Variants in STK32C observed in about 807,000 individuals in gnomAD.
STK32C encodes serine/threonine-protein kinase 32C.
Under a neutral mutation model 56.5 loss-of-function variants are expected in STK32C, and 31 were observed. That is an observed-to-expected ratio of 0.55 (90% confidence interval 0.41 to 0.74). STK32C has a LOEUF of 0.74. STK32C is among the 30% of genes least tolerant of loss of function. The pLI is 0.00. For missense variants in STK32C, 544 were observed against 676.9 expected (o/e 0.80, Z 2.18); for synonymous variants, 309 against 289.4 (o/e 1.07, Z -0.69).
At chr10:132,308,224 C>G (rs2066146367), upstream of STK32C, among the ~76,000 whole-genome samples, 1 of 152,086 alleles carries the variant, frequency 6.6e-6, no homozygotes, top group South Asian at 2.1e-4. Context: ...ACGGGGACCA[C>G]GGCTCAGACT....
At chr10:132,243,570 G>A (rs544579581) in intron 2 of STK32C, among the ~76,000 whole-genome samples, 5 of 152,334 alleles carry the variant, frequency 3.3e-5, no homozygotes, top group South Asian at 4.1e-4. Context: ...GGACAGAACC[G>A]GGGGCACCAT....
chr10:132,254,658 A>G (rs370074723), intron 1 of STK32C, among the ~76,000 whole-genome samples: 1 of 54,354 alleles, frequency 1.8e-5, no homozygotes, highest in South Asian at 7.3e-4. Flanking sequence ...GCCGGGAATC[A>G]GCACTATGTC....
At chr10:132,219,826 C>G (rs1002270139) in intron 10 of STK32C, among the ~76,000 whole-genome samples, 1 of 152,174 alleles carries the variant, frequency 6.6e-6, no homozygotes, top group African/African-American at 2.4e-5. Context: ...GGGACTGACA[C>G]CCGTCTTCTG....
intron 1 of STK32C, among the ~76,000 whole-genome samples, chr10:132,268,242 T>TGC (rs2064656332): frequency 7.0e-6 from 1 of 142,328 alleles, no homozygotes; most frequent in African/African-American, 2.8e-5. Flanking sequence ...TGTGTGTGTG[T>TGC]CGGTGTGTGT....
intron 2 of STK32C, among the ~76,000 whole-genome samples, chr10:132,235,881 T>C (rs938567809): frequency 1.3e-5 from 2 of 149,448 alleles, no homozygotes; most frequent in Non-Finnish European, 3.0e-5. Flanking sequence ...TGGCGGTGGC[T>C]ACGAAGAGAG....
In STK32C at chr10:132,287,028, A is replaced by G. The variant is rs188182964; in HGVS notation, c.262+20544T>C. ...GAGTTTAAGCAAGGCTGGAGAATAC[A>G]AAGACAATATAAGCAATAGATTTCA... On this transcript the variant is annotated intron_variant, in intron 1 of 11. Transcript: ENST00000298630. 3.0e-3 allele frequency among the ~76,000 whole-genome samples: 457 copies of G among 152,378 alleles called. 8 individuals are homozygous for G. The South Asian group carries it at 0.049, about 16-fold the overall frequency.
chr10:132,275,844 T>C (rs2064979460), intron 1 of STK32C, among the ~76,000 whole-genome samples: 1 of 152,024 alleles, frequency 6.6e-6, no homozygotes, highest in Non-Finnish European at 1.5e-5. Context: ...CCCTCTTTTC[T>C]CCCCACCTCC....
At chr10:132,322,891 C>T (rs114357020), downstream of STK32C, among the ~76,000 whole-genome samples, 405 of 152,268 alleles carry the variant, frequency 2.7e-3, 2 homozygotes, top group African/African-American at 9.3e-3. Context: ...CAGTTTGGTT[C>T]GTGCGTCCCT....
intron 1 of STK32C, among the ~76,000 whole-genome samples, chr10:132,258,831 G>A (rs2064211471): frequency 6.6e-6 from 1 of 152,254 alleles, no homozygotes; most frequent in Non-Finnish European, 1.5e-5. Flanking sequence ...TGCCGAGGAG[G>A]GGCTGCGAGG....
chr10:132,225,655 A>G, intron 5 of STK32C, 39 bp from the exon 6 acceptor site: 1 of 1,608,562 alleles, frequency 6.2e-7, no homozygotes. Context: ...TCCCAGGACC[A>G]GAGATGCATC....
At chr10:132,294,784 G>A (rs1342165541) in intron 1 of STK32C, among the ~76,000 whole-genome samples, 4 of 152,146 alleles carry the variant, frequency 2.6e-5, no homozygotes, top group Non-Finnish European at 5.9e-5. Context: ...CCAGAGCCCC[G>A]GGTTCTGTAT....
chr10:132,254,727 A>C (rs1451677451), intron 1 of STK32C, among the ~76,000 whole-genome samples: 1 of 139,074 alleles, frequency 7.2e-6, no homozygotes, highest in East Asian at 2.2e-4. Flanking sequence ...GGAGCCCAGG[A>C]GAGTAAAATA....
chr10:132,286,403 G>A (rs1284257710), intron 1 of STK32C, among the ~76,000 whole-genome samples: 2 of 152,196 alleles, frequency 1.3e-5, no homozygotes, highest in South Asian at 2.1e-4. Context: ...AGAAAATTGA[G>A]AAGAGAACAC....
In STK32C at chr10:132,248,855, G is replaced by T. The variant is rs546912889; in HGVS notation, c.263-2900C>A. Among the ~76,000 whole-genome samples, 28 of 152,252 alleles carry T rather than the reference G, an allele frequency of 1.8e-4. No homozygotes were observed. In the South Asian group the frequency reaches 4.8e-3, roughly 26 times the overall value. ...ACAGAGCCCTAAGCCTCTGGCCCCCGAGCTGTGAACCAGCAAGGGAGTCCA... is the reference window on the plus strand; with the variant it reads ...ACAGAGCCCTAAGCCTCTGGCCCCCTAGCTGTGAACCAGCAAGGGAGTCCA... On this transcript the variant is annotated intron_variant, in intron 1 of 11. Transcript: ENST00000298630.
chr10:132,226,873 G>A lies in STK32C; in HGVS notation c.566C>T (p.Ser189Phe). ...RYHLQQNVQF[S>F]EDTVRLYICE... ...GATGTACAGCCTCACCGTGTCCTCG[G>A]AGAACTGCACGTTCTGCTGCAGGTG... The change falls in exon 4 of 12, where the codon TCC (serine) becomes TTC (phenylalanine). Residue 189 changes from serine (S) to phenylalanine (F), a missense_variant. Ser to Phe is a radical substitution (Grantham distance 155). This residue lies in a region of STK32C where 85 missense variants were observed against 149.9 expected (regional missense o/e 0.57). Coordinates refer to ENST00000298630, the MANE Select transcript of STK32C (RefSeq NM_173575.4). The A allele has an allele frequency of 6.2e-7, 1 of 1,613,500 alleles. No individual in the cohort carries two copies. Among genetic ancestry groups the A allele is most frequent in the Non-Finnish European group, 8.5e-7 (1 of 1,180,038 alleles).
chr10:132,233,119 G>C (rs1386961417), intron 2 of STK32C, among the ~76,000 whole-genome samples: 8 of 152,174 alleles, frequency 5.3e-5, no homozygotes. Flanking sequence ...GGGCAAGGCA[G>C]GCTCCCTCCC....
In STK32C at chr10:132,307,292, G is replaced by A. The variant is rs1012045599; in HGVS notation, c.262+280C>T. On this transcript the variant is annotated intron_variant, in intron 1 of 11. Transcript: ENST00000298630. This position sits in a 1 kb window ranked among gnomAD's most constrained non-coding sequence, Gnocchi z 4.4. ...TGCCACGGGCGGTGGGCGGAGGCGC[G>A]CGCAAGCCCGGAGACGCCACAGCCG... is the stretch of plus-strand genomic sequence containing the variant. 1 of 280,476 alleles carries A rather than the reference G, an allele frequency of 3.6e-6. No individual in the cohort carries two copies. The highest frequency in any genetic ancestry group is 6.6e-6 in the Non-Finnish European group (1 of 150,962). 17.4% of individuals were successfully genotyped at this position (280,476 alleles called of 1,614,324 possible). A position where few individuals can be genotyped will look rare whatever the true frequency, so the allele number is the denominator to read the frequency against.
chr10:132,293,360 C>T (rs568482045), intron 1 of STK32C, among the ~76,000 whole-genome samples: 1 of 152,368 alleles, frequency 6.6e-6, no homozygotes, highest in East Asian at 1.9e-4. Context: ...GAAGGCAATT[C>T]TTCGCCAGCA....
intron 11 of STK32C, among the ~76,000 whole-genome samples, chr10:132,208,737 G>T (rs2062188154): frequency 6.6e-6 from 1 of 151,960 alleles, no homozygotes; most frequent in South Asian, 2.1e-4. Context: ...CCTGGGTGGG[G>T]GAGTTGACGT....
Sources: allele counts gnomAD v4.1 joint callset (sites outside exome capture counted in the v4.1 genomes callset), GRCh38; gene constraint gnomAD v4.1.1; regional missense constraint gnomAD v4.1.1; non-coding constraint Gnocchi (gnomAD v3.1); transcripts MANE v1.5; gene names NCBI Gene and HGNC (gene_info 2026-07-23, HGNC 2026-07-21).